Variants in MCTP1 observed in about 807,000 individuals in gnomAD.
MCTP1 encodes the protein multiple C2 and transmembrane domain-containing protein 1.
Under a neutral mutation model 120.6 loss-of-function variants are expected in MCTP1, and 69 were observed. That is an observed-to-expected ratio of 0.57 (90% CI 0.47 to 0.70). MCTP1 has a LOEUF of 0.70. Ranked by LOEUF, MCTP1 falls within the 30% of genes least tolerant of loss-of-function variation. The pLI is 0.00. For missense variants in MCTP1, 1,203 were observed against 1,248.8 expected (o/e 0.96, Z 0.55); for synonymous variants, 529 against 493.1 (o/e 1.07, Z -0.96).
At chr5:95,259,199 C>G (rs796292697) in intron 1 of MCTP1, among the ~76,000 whole-genome samples, 3 of 152,180 alleles carry the variant, frequency 2.0e-5, no homozygotes, top group African/African-American at 7.2e-5. Flanking sequence ...CTTGGAGAAT[C>G]ATCCCTGCCA....
chr5:94,841,042 T>C (rs1790906980), intron 17 of MCTP1, among the ~76,000 whole-genome samples: 1 of 152,196 alleles, frequency 6.6e-6, no homozygotes, highest in Non-Finnish European at 1.5e-5. Context: ...GTGGGCAGCA[T>C]CTTTGACACT....
At chr5:95,006,013 C>T (rs1175594747) in intron 2 of MCTP1, among the ~76,000 whole-genome samples, 1 of 152,084 alleles carries the variant, frequency 6.6e-6, no homozygotes, top group Non-Finnish European at 1.5e-5. Context: ...AAGACTGAGA[C>T]AAGTTTCATT....
chr5:94,781,994 G>A (rs576318867), intron 18 of MCTP1, among the ~76,000 whole-genome samples: 5 of 152,126 alleles, frequency 3.3e-5, no homozygotes, highest in Admixed American at 2.6e-4. Context: ...AATATAGATG[G>A]TTTCCTATCG....
chr5:95,125,364 C>T (rs1472583501), intron 1 of MCTP1, among the ~76,000 whole-genome samples: 1 of 152,202 alleles, frequency 6.6e-6, no homozygotes, highest in Non-Finnish European at 1.5e-5. Flanking sequence ...ACAATATAAT[C>T]ACAATCTAAT....
In MCTP1 at chr5:95,017,374, A is replaced by G; in HGVS notation, c.831T>C (p.Asp277=). 1 of 1,604,068 alleles carries G rather than the reference A, an allele frequency of 6.2e-7. No individual in the cohort carries two copies. Among genetic ancestry groups the G allele is most frequent in the Non-Finnish European group, 8.5e-7 (1 of 1,173,526 alleles). Residue 277 remains aspartate, a synonymous_variant, in exon 2 of 23, where the codon GAT becomes GAC. Transcript: ENST00000515393. ...LRRGQSLAAR[D]RGGTSDPYVK... ...TTGCTCTTATGCTCTTACCTCCTCGATCTCGAGCAGCTAAACTTTGACCCC... is the reference window on the plus strand; with the variant it reads ...TTGCTCTTATGCTCTTACCTCCTCGGTCTCGAGCAGCTAAACTTTGACCCC...
chr5:94,947,577 T>TATATATATATATATATATATATAGAGAG, intron 3 of MCTP1, among the ~76,000 whole-genome samples: 5 of 47,376 alleles, frequency 1.1e-4, no homozygotes, highest in South Asian at 7.0e-4. Context: ...TATATATATA[T>TATATATATATATATATATATATAGAGAG]AGAGAGAGAG....
chr5:95,184,347 A>C (rs1176493017), intron 1 of MCTP1, among the ~76,000 whole-genome samples: 1 of 152,222 alleles, frequency 6.6e-6, no homozygotes, highest in Non-Finnish European at 1.5e-5. Context: ...AAAAATATTC[A>C]GGTCCAGATA....
intron 19 of MCTP1, among the ~76,000 whole-genome samples, chr5:94,767,964 G>T (rs932729451): frequency 6.6e-6 from 1 of 152,126 alleles, no homozygotes; most frequent in Non-Finnish European, 1.5e-5. Context: ...AGTGCAAAAA[G>T]AACAAAGCTG....
chr5:94,944,372 A>C (rs935298500), intron 3 of MCTP1, among the ~76,000 whole-genome samples: 2 of 152,164 alleles, frequency 1.3e-5, no homozygotes, highest in Non-Finnish European at 2.9e-5. Flanking sequence ...CATGTACTGC[A>C]CATCTTATGC....
intron 2 of MCTP1, among the ~76,000 whole-genome samples, chr5:94,974,772 T>A (rs1827723641): frequency 6.6e-6 from 1 of 152,008 alleles, no homozygotes; most frequent in Non-Finnish European, 1.5e-5. Context: ...AATCTCCTTA[T>A]CAGCTAAAAC....
intron 1 of MCTP1, among the ~76,000 whole-genome samples, chr5:95,189,418 C>A (rs1344272265): frequency 6.6e-6 from 1 of 152,156 alleles, no homozygotes; most frequent in Non-Finnish European, 1.5e-5. Context: ...TCCTTTAAAT[C>A]TGTGCTTTTT....
chr5:95,081,411 C>A, intron 1 of MCTP1: 1 of 1,608,654 alleles, frequency 6.2e-7, no homozygotes, highest in Non-Finnish European at 8.5e-7. Flanking sequence ...GTGAGTAAAC[C>A]AAAATGTTAC....
At position 95,204,100 on chromosome 5, in the gene MCTP1, T is replaced by C. The variant is rs1226088241; in HGVS notation, c.720+79756A>G. On this transcript the variant is annotated intron_variant, in intron 1 of 22. Transcript: ENST00000515393. ...TAATCTGTGGGGGGCTCTATAATCT[T>C]AGTATCTTAATTTCAAAATTGGACA... Among the ~76,000 whole-genome samples the C allele has an allele frequency of 2.0e-5, 3 of 152,190 alleles. 1 individual carries two copies. Among genetic ancestry groups the C allele is most frequent in the Non-Finnish European group, 4.4e-5 (3 of 68,024 alleles).
At chr5:95,034,326 C>G (rs1840848175) in intron 1 of MCTP1, among the ~76,000 whole-genome samples, 2 of 152,008 alleles carry the variant, frequency 1.3e-5, no homozygotes, top group South Asian at 4.1e-4. Flanking sequence ...TCCAACTATA[C>G]TACAAGGCTA....
chr5:95,070,983 G>GGGA (rs1752002764), intron 1 of MCTP1, among the ~76,000 whole-genome samples: 1 of 152,176 alleles, frequency 6.6e-6, no homozygotes, highest in South Asian at 2.1e-4. Context: ...AGGGTACCAT[G>GGGA]GGATGAACCT....
rs149261206 is a variant in MCTP1 at position 94,779,311 on chromosome 5, A to C, written c.2557-148T>G. ...ATTTGATCTAGAGAGAGTGATTAGG[A>C]AAATGCTCTGCCTTTAATTGATGAA... On this transcript the variant is annotated intron_variant, in intron 18 of 22. Transcript: ENST00000515393. The C allele has an allele frequency of 1.2e-4, 79 of 684,622 alleles. No individual in the cohort carries two copies. In the East Asian group the frequency reaches 1.8e-3, roughly 16 times the overall value. The allele number at this position is 684,622 out of a possible 1,614,324, so 42.4% of individuals were successfully genotyped here. A position where few individuals can be genotyped will look rare whatever the true frequency, so the allele number is the denominator to read the frequency against.
intron 18 of MCTP1, among the ~76,000 whole-genome samples, chr5:94,791,500 TAC>T (rs1215532713): frequency 1.3e-5 from 2 of 149,064 alleles, no homozygotes; most frequent in Non-Finnish European, 3.0e-5. Flanking sequence ...GTTTCTAAAA[TAC>T]ACACACACAC....
At chr5:95,222,351 C>G (rs987392188) in intron 1 of MCTP1, among the ~76,000 whole-genome samples, 1 of 152,172 alleles carries the variant, frequency 6.6e-6, no homozygotes, top group Non-Finnish European at 1.5e-5. Flanking sequence ...TCTGTTATAT[C>G]TATACTGAAT....
At chr5:94,966,160 A>G (rs1825544375) in intron 2 of MCTP1, among the ~76,000 whole-genome samples, 1 of 152,212 alleles carries the variant, frequency 6.6e-6, no homozygotes, top group Non-Finnish European at 1.5e-5. Flanking sequence ...TTACTTGCCC[A>G]AAATATCGTA....
Sources: allele counts gnomAD v4.1 joint callset (sites outside exome capture counted in the v4.1 genomes callset), GRCh38; gene constraint gnomAD v4.1.1; transcripts MANE v1.5; gene names NCBI Gene and HGNC (gene_info 2026-07-23, HGNC 2026-07-21).